Variants in CTNND2 observed in about 807,000 individuals in gnomAD.
CTNND2 encodes the protein catenin delta 2, also known as catenin delta-2.
CTNND2 carries 22 observed loss-of-function variants against 144.4 expected under a neutral mutation model. The ratio of observed to expected loss-of-function variants is 0.15; its 90% CI spans 0.11 to 0.22. The LOEUF (loss-of-function observed/expected upper bound fraction) is 0.22. Among genes scored for constraint, CTNND2 ranks in the 10% least tolerant of loss-of-function variants. CTNND2 has a pLI of 1.00. For missense variants in CTNND2, 1,353 were observed against 1,618.8 expected (o/e 0.84, Z 2.82); for synonymous variants, 751 against 695.6 (o/e 1.08, Z -1.25).
At chr5:11,601,960 A>G (rs1779817025) in intron 2 of CTNND2, among the ~76,000 whole-genome samples, 1 of 152,016 alleles carries the variant, frequency 6.6e-6, no homozygotes, top group African/African-American at 2.4e-5. Context: ...CCCCCGCCAA[A>G]CACTCTAGAA....
intron 2 of CTNND2, among the ~76,000 whole-genome samples, chr5:11,625,451 C>G (rs1052669726): frequency 1.3e-5 from 2 of 150,578 alleles, no homozygotes; most frequent in Non-Finnish European, 3.0e-5. Flanking sequence ...TACTTCACAT[C>G]ATTTACAAAA....
intron 3 of CTNND2, among the ~76,000 whole-genome samples, chr5:11,534,334 G>T (rs561718976): frequency 2.0e-5 from 3 of 151,602 alleles, no homozygotes; most frequent in African/African-American, 7.3e-5. Context: ...CTGAGGGTGC[G>T]CCAGGTGACA....
At position 10,984,428 on chromosome 5, in the gene CTNND2, T is replaced by C. The variant is rs191669480; in HGVS notation, c.3344-2582A>G. ...TTGCTCAGAATTAAATGCATATATT[T>C]TTTAGAACGTTTGCACTATTGCAGT... On this transcript the variant is annotated intron_variant, in intron 20 of 21. Coordinates refer to ENST00000304623, the MANE Select transcript of CTNND2 (RefSeq NM_001332.4). Among the ~76,000 whole-genome samples the C allele has an allele frequency of 1.2e-3, 190 of 152,314 alleles. 1 individual carries two copies. Among genetic ancestry groups the C allele is most frequent in the Non-Finnish European group, 2.1e-3 (140 of 68,034 alleles).
intron 9 of CTNND2, among the ~76,000 whole-genome samples, chr5:11,296,019 A>C (rs2150024333): frequency 6.7e-6 from 1 of 150,192 alleles, no homozygotes; most frequent in East Asian, 1.9e-4. Context: ...TGCACAGCAA[A>C]AGAAACTACC....
At chr5:11,251,386 C>T (rs1277880821) in intron 9 of CTNND2, among the ~76,000 whole-genome samples, 3 of 152,212 alleles carry the variant, frequency 2.0e-5, no homozygotes, top group African/African-American at 7.2e-5. Context: ...TTCACATCCT[C>T]TCCTATGCTG....
rs528294663 is a variant in CTNND2, at chr5:11,578,250, C to T, written c.175-13194G>A. On this transcript the variant is annotated intron_variant, in intron 2 of 21. Transcript: ENST00000304623. ...AGTTATTATTAAAATTGTACCCTAA[C>T]GTAATAGCATAATAGTTTTATTATT... 3.9e-5 allele frequency among the ~76,000 whole-genome samples: 6 copies of T among 152,270 alleles called. 1 individual carries two copies. Among genetic ancestry groups the T allele is most frequent in the African/African-American group, 4.8e-5 (2 of 41,552 alleles).
At position 11,904,267 on chromosome 5, in the gene CTNND2, C is replaced by T. The variant is rs1738159957; in HGVS notation, c.-414G>A. ...GCCGCGGCGCCCGGCGCCGAGCGCTCCCGAGCTGCGCCCCGCGCGCGGCCC... is the reference window on the plus strand; with the variant it reads ...GCCGCGGCGCCCGGCGCCGAGCGCTTCCGAGCTGCGCCCCGCGCGCGGCCC... On this transcript the variant is annotated 5_prime_UTR_variant, in exon 1 of 22. Coordinates refer to ENST00000304623, the MANE Select transcript of CTNND2 (RefSeq NM_001332.4). The surrounding 1 kb of genome is among the most constrained non-coding windows in gnomAD (Gnocchi z 4.2). Among the ~76,000 whole-genome samples the T allele has an allele frequency of 6.9e-6, 1 of 145,896 alleles. No individual in the cohort carries two copies. The highest frequency in any genetic ancestry group is 2.1e-4 in the South Asian group (1 of 4,808).
Position 11,248,769 on chromosome 5 carries a change from G to A in CTNND2, c.1629-11946C>T, listed in dbSNP as rs147074446. ...GTTTCTGGAAGTGAGAACGTGTCCT[G>A]AAGTACCTGTCACAGTGTCTTTACA... is the stretch of plus-strand genomic sequence containing the variant. On this transcript the variant is annotated intron_variant, in intron 9 of 21. Coordinates refer to ENST00000304623, the MANE Select transcript of CTNND2 (RefSeq NM_001332.4). 2.0e-3 allele frequency among the ~76,000 whole-genome samples: 311 copies of A among 152,288 alleles called. 1 individual carries two copies. The highest frequency in any genetic ancestry group is 3.7e-3 in the African/African-American group (153 of 41,566).
At chr5:11,058,381 A>G (rs1392776020) in intron 16 of CTNND2, among the ~76,000 whole-genome samples, 5 of 152,230 alleles carry the variant, frequency 3.3e-5, no homozygotes, top group Non-Finnish European at 5.9e-5. Context: ...AAAGGGGCCA[A>G]TGGAGACCTC....
intron 14 of CTNND2, among the ~76,000 whole-genome samples, chr5:11,101,885 A>ATGTGTGTGTGTGTGTGTGTG (rs1491537465): frequency 6.7e-5 from 6 of 89,580 alleles, no homozygotes; most frequent in African/African-American, 2.3e-4. Context: ...TGACGACCAC[A>ATGTGTGTGTGTGTGTGTGTG]TATGTGTGTG....
chr5:11,509,739 C>G (rs146813331), intron 3 of CTNND2, among the ~76,000 whole-genome samples: 55 of 152,272 alleles, frequency 3.6e-4, no homozygotes, highest in African/African-American at 1.3e-3. Flanking sequence ...CTCTTTACTT[C>G]TCTTTCGGCA....
intron 16 of CTNND2, among the ~76,000 whole-genome samples, chr5:11,038,188 A>C (rs1744283672): frequency 6.6e-6 from 1 of 152,154 alleles, no homozygotes; most frequent in Non-Finnish European, 1.5e-5. Context: ...TGTGTAGCTT[A>C]GGGCAGGGGT....
At chr5:11,171,651 C>T (rs1279449504) in intron 11 of CTNND2, among the ~76,000 whole-genome samples, 1 of 152,080 alleles carries the variant, frequency 6.6e-6, no homozygotes, top group Non-Finnish European at 1.5e-5. Flanking sequence ...ATTACACTTG[C>T]CCAGGGAAAA....
At chr5:11,243,210 G>A (rs1292679419) in intron 9 of CTNND2, among the ~76,000 whole-genome samples, 1 of 152,210 alleles carries the variant, frequency 6.6e-6, no homozygotes, top group Non-Finnish European at 1.5e-5. Flanking sequence ...CCCCTTGGGA[G>A]GCAGTGTGCT....
intron 6 of CTNND2, among the ~76,000 whole-genome samples, chr5:11,389,056 T>C (rs539974245): frequency 4.7e-4 from 72 of 152,306 alleles, no homozygotes; most frequent in Non-Finnish European, 9.3e-4. Flanking sequence ...AATAATGATA[T>C]AACAAATTTA....
chr5:11,144,660 G>C (rs1167077331), intron 12 of CTNND2, among the ~76,000 whole-genome samples: 2 of 152,154 alleles, frequency 1.3e-5, no homozygotes, highest in Non-Finnish European at 2.9e-5. Context: ...GGTATCCTTT[G>C]AGTTGGTGGG....
intron 7 of CTNND2, among the ~76,000 whole-genome samples, chr5:11,373,222 G>T (rs115549787): frequency 0.012 from 1,846 of 152,270 alleles, 35 homozygotes; most frequent in African/African-American, 0.043. Context: ...CTTCTAGTGG[G>T]GAAAGAGCAT....
Position 10,973,566 on chromosome 5 carries a change from G to A in CTNND2, c.3565C>T (p.Leu1189=). The A allele has an allele frequency of 1.9e-6, 3 of 1,614,172 alleles. No individual in the cohort carries two copies. Among genetic ancestry groups the A allele is most frequent in the Non-Finnish European group, 2.5e-6 (3 of 1,180,022 alleles). The part of the protein sequence containing the change: ...RPPASEYTMH[L]GLKSTGNYVD... The stretch of plus-strand genomic sequence containing the variant: ...TAGTTGCCGGTGGACTTGAGACCCA[G>A]GTGCATGGTGTACTCGCTGGCGGGA... Residue 1189 remains leucine (L), a synonymous_variant, in exon 22 of 22, where the codon CTG becomes TTG. Transcript: ENST00000304623. The surrounding 1 kb of genome is among the most constrained non-coding windows in gnomAD (Gnocchi z 5.6).
At chr5:11,695,506 T>C (rs553479079) in intron 2 of CTNND2, among the ~76,000 whole-genome samples, 5 of 152,338 alleles carry the variant, frequency 3.3e-5, no homozygotes, top group East Asian at 3.9e-4. Context: ...TCGGTTATAA[T>C]GGAATGGGTA....
Sources: allele counts gnomAD v4.1 joint callset (sites outside exome capture counted in the v4.1 genomes callset), GRCh38; gene constraint gnomAD v4.1.1; non-coding constraint Gnocchi (gnomAD v3.1); transcripts MANE v1.5; gene names NCBI Gene and HGNC (gene_info 2026-07-23, HGNC 2026-07-21).